Variants in FSIP2 observed in about 807,000 individuals in gnomAD.
FSIP2 encodes the protein fibrous sheath-interacting protein 2.
FSIP2 carries 367 observed loss-of-function variants against 510.5 expected under a neutral mutation model. The observed-to-expected ratio is 0.72, with a 90% CI of 0.66 to 0.78. The LOEUF (loss-of-function observed/expected upper bound fraction) is 0.78. Ranked by LOEUF, FSIP2 falls within the 30% of genes least tolerant of loss-of-function variation. The probability of loss-of-function intolerance (pLI) is 0.00; values close to 1 mark genes in which losing one functional copy is unlikely to be tolerated. For synonymous variants in FSIP2, 2,601 were observed against 2,732.2 expected, an observed-to-expected ratio of 0.95 and a Z score of 1.50; for missense variants, 7,594 against 7,901.7, an observed-to-expected ratio of 0.96 and a Z score of 1.48.
chr2:185,752,475 A>C (rs551139461), intron 7 of FSIP2, among the ~76,000 whole-genome samples: 1 of 151,300 alleles, frequency 6.6e-6, no homozygotes, highest in East Asian at 1.9e-4. Flanking sequence ...TTTTCATCAA[A>C]TTTGAAACAT....
At chr2:185,779,713 T>G (rs1013680821) in intron 13 of FSIP2, among the ~76,000 whole-genome samples, 1 of 152,126 alleles carries the variant, frequency 6.6e-6, no homozygotes, top group African/African-American at 2.4e-5. Context: ...TTTGCCCACC[T>G]GTTTACCAGC....
intron 19 of FSIP2, among the ~76,000 whole-genome samples, chr2:185,816,605 A>G (rs1693830021): frequency 6.6e-6 from 1 of 151,952 alleles, no homozygotes; most frequent in Non-Finnish European, 1.5e-5. Flanking sequence ...TGGGAGGCAG[A>G]GGCATGAAGA....
At chr2:185,798,685 A>G (rs913199894) in intron 16 of FSIP2, among the ~76,000 whole-genome samples, 2 of 151,826 alleles carry the variant, frequency 1.3e-5, no homozygotes, top group African/African-American at 2.4e-5. Flanking sequence ...TGTAGCTACA[A>G]CTACAAACTC....
chr2:185,781,706 G>A (rs994764951), intron 13 of FSIP2, among the ~76,000 whole-genome samples: 1 of 152,174 alleles, frequency 6.6e-6, no homozygotes, highest in African/African-American at 2.4e-5. Flanking sequence ...ATTTTTAACA[G>A]TATGGCTTTA....
intron 19 of FSIP2, among the ~76,000 whole-genome samples, chr2:185,817,456 A>C (rs1693846170): frequency 1.3e-5 from 2 of 151,994 alleles, no homozygotes; most frequent in African/African-American, 4.8e-5. Context: ...TGGGAAATTA[A>C]ATCATTTAAA....
chr2:185,760,468 TA>T (rs1252959424), intron 9 of FSIP2, among the ~76,000 whole-genome samples: 1 of 147,696 alleles, frequency 6.8e-6, no homozygotes, highest in Non-Finnish European at 1.5e-5. Context: ...TTATTATTTA[TA>T]AATTTTATTT....
intron 14 of FSIP2, 137 bp from the exon 15 acceptor site, chr2:185,786,115 A>G: frequency 9.9e-6 from 6 of 608,782 alleles, no homozygotes; most frequent in Non-Finnish European, 1.7e-5. Flanking sequence ...TGGAAAAAAC[A>G]GTGTATTCTT....
In FSIP2 at chr2:185,808,873, C is replaced by T. The variant is rs747002344; in HGVS notation, c.19567C>T (p.Pro6523Ser). 4 of 1,609,036 alleles carry T rather than the reference C, an allele frequency of 2.5e-6. No individual in the cohort carries two copies. The highest frequency in any genetic ancestry group is 3.4e-6 in the Non-Finnish European group (4 of 1,178,458). ...SEEESPIKIV[P>S]HVGKKPVKID... The stretch of plus-strand genomic sequence containing the variant: ...AGAGGAATCTCCAATTAAAATAGTT[C>T]CACATGTTGGAAAAAAACCAGTCAA... The change falls in exon 17 of 23, where the codon CCA becomes TCA. Residue 6523 changes from proline (P) to serine (S), a missense_variant. Pro to Ser is a moderately conservative substitution (Grantham distance 74). Transcript: ENST00000424728.
chr2:185,787,179 T>C (rs1031341103), intron 15 of FSIP2, among the ~76,000 whole-genome samples: 1 of 151,848 alleles, frequency 6.6e-6, no homozygotes, highest in African/African-American at 2.4e-5. Context: ...TTAGGTATGA[T>C]TCTTAAGTAT....
Position 185,804,149 on chromosome 2 carries a change from T to G in FSIP2, c.14843T>G (p.Phe4948Cys). Residue 4948 changes from phenylalanine to cysteine, a missense_variant, in exon 17 of 23, where the codon TTT becomes TGT. Physicochemically the swap from Phe to Cys is radical, Grantham distance 205 (BLOSUM62 -2). Coordinates refer to ENST00000424728, the MANE Select transcript of FSIP2 (RefSeq NM_173651.4). ...TCTTTTATTGTGAACTCATCTGTCT[T>G]TTTGGAGGAAGTAATTTCTGAGCTC... The part of the protein sequence containing the change: ...ELSFIVNSSV[F>C]LEEVISELLC... 6.6e-7 allele frequency: 1 copy of G among 1,511,922 alleles called. No homozygotes were observed. The highest frequency in any genetic ancestry group is 8.8e-7 in the Non-Finnish European group (1 of 1,136,506). 93.7% of individuals were successfully genotyped at this position (1,511,922 alleles called of 1,614,324 possible).
chr2:185,803,663 C>T lies in FSIP2; in HGVS notation c.14357C>T (p.Thr4786Ile). 1.3e-6 allele frequency: 2 copies of T among 1,527,510 alleles called. No homozygotes were observed. The highest frequency in any genetic ancestry group is 1.8e-6 in the Non-Finnish European group (2 of 1,140,684). The allele number at this position is 1,527,510 out of a possible 1,614,324, so 94.6% of individuals were successfully genotyped here. Reference sequence around the variant, plus strand: ...CAAAGACAAGCTTCAACAATGTATACCACTATGTTATCACATAGTCATTTG... The same window carrying T: ...CAAAGACAAGCTTCAACAATGTATATCACTATGTTATCACATAGTCATTTG... The part of the protein sequence containing the change: ...RFQRQASTMY[T>I]TMLSHSHLEK... The change falls in exon 17 of 23, where the codon ACC (threonine) becomes ATC (isoleucine). Residue 4786 changes from threonine (T) to isoleucine (I), a missense_variant. By Grantham distance (89) the Thr-to-Ile change is moderately conservative. Coordinates refer to ENST00000424728, the MANE Select transcript of FSIP2 (RefSeq NM_173651.4).
Position 185,806,945 on chromosome 2 carries a change from C to G in FSIP2, c.17639C>G (p.Ser5880Cys). 2 of 1,611,412 alleles carry G rather than the reference C, an allele frequency of 1.2e-6. No individual in the cohort carries two copies. Among genetic ancestry groups the G allele is most frequent in the East Asian group, 2.2e-5 (1 of 44,778 alleles). Residue 5880 changes from serine to cysteine, a missense_variant, in exon 17 of 23, where the codon TCC (serine) becomes TGC (cysteine). Transcript: ENST00000424728. ...YKEPTTDEAP[S>C]SIKIKSADKM... ...GAGCCAACTACAGATGAAGCACCAT[C>G]CAGCATTAAGATAAAATCTGCAGAT... is the stretch of plus-strand genomic sequence containing the variant.
intron 12 of FSIP2, among the ~76,000 whole-genome samples, chr2:185,763,642 A>T (rs1212830569): frequency 6.6e-6 from 1 of 151,434 alleles, no homozygotes; most frequent in African/African-American, 2.4e-5. Context: ...CATGAAATAG[A>T]TTTTTTTCTG....
intron 19 of FSIP2, among the ~76,000 whole-genome samples, chr2:185,824,112 A>G (rs1693972155): frequency 6.6e-6 from 1 of 151,822 alleles, no homozygotes; most frequent in Admixed American, 6.6e-5. Flanking sequence ...TTTAATTGGT[A>G]TACAGTTTCA....
At chr2:185,771,507 C>T (rs1692607413) in intron 13 of FSIP2, among the ~76,000 whole-genome samples, 1 of 152,176 alleles carries the variant, frequency 6.6e-6, no homozygotes, top group South Asian at 2.1e-4. Flanking sequence ...CCAAATTGTA[C>T]CTGGGCCCTT....
intron 9 of FSIP2, among the ~76,000 whole-genome samples, chr2:185,757,634 T>C (rs781562133): frequency 4.0e-5 from 6 of 150,966 alleles, no homozygotes; most frequent in Non-Finnish European, 7.4e-5. Flanking sequence ...GTGTGAACTC[T>C]GTACAGTGTC....
intron 2 of FSIP2, among the ~76,000 whole-genome samples, chr2:185,741,257 AT>A (rs1691916901): frequency 7.1e-6 from 1 of 141,722 alleles, no homozygotes; most frequent in African/African-American, 2.6e-5. Flanking sequence ...TATTACATTA[AT>A]TCTCCCAAAA....
chr2:185,800,831 T>C lies in FSIP2; in HGVS notation c.11525T>C (p.Ile3842Thr), dbSNP rs1179370849. The C allele has an allele frequency of 6.5e-7, 1 of 1,534,472 alleles. No individual in the cohort carries two copies. The highest frequency in any genetic ancestry group is 1.2e-5 in the South Asian group (1 of 84,012). Residue 3842 changes from isoleucine to threonine, a missense_variant, in exon 17 of 23, where the codon ATT (isoleucine) becomes ACT (threonine). Transcript: ENST00000424728. ...DLLTSDSMLTIISHSLVKSLM... is the reference protein window; with the variant it reads ...DLLTSDSMLTTISHSLVKSLM... ...TTGACATCAGACTCTATGCTTACTA[T>C]TATTTCCCACAGCTTGGTTAAATCA...
chr2:185,789,139 A>G lies in FSIP2; in HGVS notation c.2003A>G (p.Asp668Gly). 1 of 1,535,166 alleles carries G rather than the reference A, an allele frequency of 6.5e-7. No homozygotes were observed. The highest frequency in any genetic ancestry group is 8.7e-7 in the Non-Finnish European group (1 of 1,146,052). Residue 668 changes from aspartate to glycine, a missense_variant, in exon 16 of 23, where the codon GAT (aspartate) becomes GGT (glycine). Physicochemically the swap from Asp to Gly is moderately conservative, Grantham distance 94. Coordinates refer to ENST00000424728, the MANE Select transcript of FSIP2 (RefSeq NM_173651.4). ...TCTAAGGATGCTACCACTGAAACAG[A>G]TAGCTTAGGGAGTTCATTGCATTGT... ...KKSKDATTETDSLGSSLHCDK... is the reference protein window; with the variant it reads ...KKSKDATTETGSLGSSLHCDK...
Sources: allele counts gnomAD v4.1 joint callset (sites outside exome capture counted in the v4.1 genomes callset), GRCh38; gene constraint gnomAD v4.1.1; transcripts MANE v1.5; gene names NCBI Gene and HGNC (gene_info 2026-07-23, HGNC 2026-07-21).